NAALADL2: variants seen among roughly 807,000 people sequenced by gnomAD.
NAALADL2 encodes N-acetylated alpha-linked acidic dipeptidase like 2.
Under a neutral mutation model 87.2 loss-of-function variants are expected in NAALADL2, and 76 were observed. The ratio of observed to expected loss-of-function variants is 0.87; its 90% CI spans 0.72 to 1.05. NAALADL2 has a LOEUF of 1.05. Ranked by LOEUF, NAALADL2 falls within the 50% of genes least tolerant of loss-of-function variation. NAALADL2 has a pLI of 0.00. For synonymous variants in NAALADL2, 354 were observed against 331.0 expected, an observed-to-expected ratio of 1.07 and a Z score of -0.75; for missense variants, 1,089 against 945.8, an observed-to-expected ratio of 1.15 and a Z score of -1.99.
rs568573015 is a variant in NAALADL2 at position 175,020,304 on chromosome 3, C to T, written c.44-76486C>T. On this transcript the variant is annotated intron_variant, in intron 1 of 13. Coordinates refer to ENST00000454872, the MANE Select transcript of NAALADL2 (RefSeq NM_207015.3). ...GGCACTGATGTTACAATTAATGATGCGATCTGTGAGGAATTTTCTTAAGAT... is the reference window on the plus strand; with the variant it reads ...GGCACTGATGTTACAATTAATGATGTGATCTGTGAGGAATTTTCTTAAGAT... Among the ~76,000 whole-genome samples, 17 of 152,088 alleles carry T rather than the reference C, an allele frequency of 1.1e-4. No individual in the cohort carries two copies. In the South Asian group the frequency reaches 2.1e-3, roughly 19 times the overall value.
intron 2 of NAALADL2, among the ~76,000 whole-genome samples, chr3:175,206,596 T>A (rs964474619): frequency 1.3e-5 from 2 of 151,736 alleles, no homozygotes; most frequent in African/African-American, 4.8e-5. Context: ...AGACTACAAA[T>A]ACAGTTCAGT....
intron 9 of NAALADL2, among the ~76,000 whole-genome samples, chr3:175,494,968 C>A (rs1012901289): frequency 2.0e-5 from 3 of 151,162 alleles, no homozygotes; most frequent in African/African-American, 7.3e-5. Context: ...ATTCTATTGT[C>A]CTGCTTCAGT....
intron 13 of NAALADL2, among the ~76,000 whole-genome samples, chr3:175,802,755 GTGT>G (rs1754335501): frequency 1.3e-5 from 2 of 148,454 alleles, no homozygotes; most frequent in South Asian, 2.1e-4. Context: ...TTGTTTCGTA[GTGT>G]TGTGTACTTC....
intron 11 of NAALADL2, among the ~76,000 whole-genome samples, chr3:175,726,455 A>G (rs1283318926): frequency 3.3e-5 from 5 of 152,220 alleles, no homozygotes; most frequent in African/African-American, 1.2e-4. Context: ...AGCAATGCCC[A>G]ATTGGTAGCT....
At chr3:174,762,995 AAAT>A (rs561223197) in intron 3 of NAALADL2, among the ~76,000 whole-genome samples, 17 of 152,206 alleles carry the variant, frequency 1.1e-4, no homozygotes, top group Non-Finnish European at 2.5e-4. Context: ...GGGAAGTTAC[AAAT>A]AATAACTGTA....
Position 175,324,158 on chromosome 3 carries a change from T to C in NAALADL2, c.940-17T>C, listed in dbSNP as rs1760380882. On this transcript the variant is annotated splice_polypyrimidine_tract_variant and intron_variant, in intron 4 of 13. Coordinates refer to ENST00000454872, the MANE Select transcript of NAALADL2 (RefSeq NM_207015.3). ...TGTGCATGATAATATTTTTAATAGC[T>C]TGCTTCCCTCTTTTAGCTTTCCTCA... is the stretch of plus-strand genomic sequence containing the variant. The C allele has an allele frequency of 6.2e-7, 1 of 1,610,814 alleles. No individual in the cohort carries two copies.
intron 1 of NAALADL2, among the ~76,000 whole-genome samples, chr3:174,479,026 T>C (rs2108325558): frequency 6.6e-6 from 1 of 152,324 alleles, no homozygotes; most frequent in Non-Finnish European, 1.5e-5. Flanking sequence ...CTTTATGTAC[T>C]GCGTTCCTCA....
At chr3:175,298,567 C>T (rs900923870) in intron 4 of NAALADL2, among the ~76,000 whole-genome samples, 1 of 152,012 alleles carries the variant, frequency 6.6e-6, no homozygotes, top group Non-Finnish European at 1.5e-5. Flanking sequence ...ATCTAAAAAT[C>T]CATCAAATTT....
chr3:175,802,923 C>A, intron 13 of NAALADL2, 82 bp from the exon 14 acceptor site: 1 of 856,894 alleles, frequency 1.2e-6, no homozygotes, highest in Non-Finnish European at 1.9e-6. Flanking sequence ...ACATCACTGA[C>A]TCTTAGAAAT....
chr3:175,326,898 G>A (rs1027416272), intron 5 of NAALADL2, among the ~76,000 whole-genome samples: 1 of 152,142 alleles, frequency 6.6e-6, no homozygotes, highest in African/African-American at 2.4e-5. Flanking sequence ...TCCAACACAT[G>A]AGCTGTGGGG....
chr3:175,600,578 C>T lies in NAALADL2; in HGVS notation c.1800+24391C>T, dbSNP rs542470608. On this transcript the variant is annotated intron_variant, in intron 10 of 13. Transcript: ENST00000454872. ...TTTGAGACGGAGTCTCGCTCTGTCGCCCAGGCTGGAGTCCAGTGGCGCGAT... is the reference window on the plus strand; with the variant it reads ...TTTGAGACGGAGTCTCGCTCTGTCGTCCAGGCTGGAGTCCAGTGGCGCGAT... Among the ~76,000 whole-genome samples the T allele has an allele frequency of 2.7e-3, 319 of 116,348 alleles. 2 individuals are homozygous for T. Among genetic ancestry groups the T allele is most frequent in the Middle Eastern group, 9.8e-3 (1 of 102 alleles). The allele number at this position is 116,348 out of a possible 152,430, so 76.3% of individuals were successfully genotyped here.
chr3:175,243,531 C>CTT (rs3066298), intron 3 of NAALADL2, among the ~76,000 whole-genome samples: 21,081 of 84,986 alleles, frequency 0.25, 4,101 homozygotes, highest in Non-Finnish European at 0.3. Context: ...CACATCAGGA[C>CTT]TTTTTTTTTT....
intron 2 of NAALADL2, among the ~76,000 whole-genome samples, chr3:174,647,027 A>G (rs946206338): frequency 1.3e-5 from 2 of 152,118 alleles, no homozygotes; most frequent in African/African-American, 4.8e-5. Context: ...AGGGTTTTCA[A>G]TTTTGTTTAG....
intron 2 of NAALADL2, among the ~76,000 whole-genome samples, chr3:174,604,840 C>T (rs1718832727): frequency 6.6e-6 from 1 of 151,260 alleles, no homozygotes; most frequent in African/African-American, 2.4e-5. Context: ...ATGATCTTGG[C>T]TCACCACAAC....
intron 1 of NAALADL2, among the ~76,000 whole-genome samples, chr3:174,941,328 T>A (rs1009136724): frequency 2.4e-4 from 36 of 152,166 alleles, no homozygotes; most frequent in Middle Eastern, 3.4e-3. Flanking sequence ...TGTTTTTCAG[T>A]CTTCTCTTTT....
chr3:174,580,093 G>GT (rs986359225), intron 2 of NAALADL2, among the ~76,000 whole-genome samples: 15 of 151,732 alleles, frequency 9.9e-5, no homozygotes, highest in Admixed American at 7.9e-4. Flanking sequence ...TTTTAACATT[G>GT]TTTTTTTCCT....
At position 174,562,569 on chromosome 3, in the gene NAALADL2, T is replaced by C. The variant is rs372276937; in HGVS notation, c.-115+11932T>C. On this transcript the variant is annotated intron_variant, in intron 2 of 3. Coordinates refer to the NAALADL2 transcript ENST00000434257. ...TATCTGTGTGCTTTAATTTTATTAATTTTTGAATCAGTCATATATTAGCAT... is the reference window on the plus strand; with the variant it reads ...TATCTGTGTGCTTTAATTTTATTAACTTTTGAATCAGTCATATATTAGCAT... 1.2e-4 allele frequency among the ~76,000 whole-genome samples: 18 copies of C among 152,286 alleles called. No homozygotes were observed. In the East Asian group the frequency reaches 1.9e-3, roughly 16 times the overall value.
chr3:175,752,801 T>G (rs9811677), intron 12 of NAALADL2, among the ~76,000 whole-genome samples: 1 of 152,034 alleles, frequency 6.6e-6, no homozygotes, highest in Non-Finnish European at 1.5e-5. Context: ...AATTCTGTAA[T>G]GTACTTTAGA....
intron 2 of NAALADL2, among the ~76,000 whole-genome samples, chr3:174,727,236 AC>A (rs1219122949): frequency 2.2e-5 from 3 of 137,150 alleles, no homozygotes; most frequent in Non-Finnish European, 3.1e-5. Context: ...TTTTTCGATC[AC>A]CTGCATATGA....
Sources: gnomAD v4.1 joint callset for allele counts (sites outside exome capture counted in the v4.1 genomes callset) on GRCh38, gnomAD v4.1.1 for gene constraint, MANE v1.5 for transcripts, NCBI Gene and HGNC (gene_info 2026-07-23, HGNC 2026-07-21) for gene names.